The following RPTOR variants were observed in gnomAD, a reference collection of about 807,000 sequenced individuals.
The protein encoded by RPTOR is regulatory-associated protein of mTOR.
Under a neutral mutation model 169.9 loss-of-function variants are expected in RPTOR, and 21 were observed. The ratio of observed to expected loss-of-function variants is 0.12; its 90% CI spans 0.09 to 0.18. The LOEUF (loss-of-function observed/expected upper bound fraction) is 0.18, where lower values mean the gene tolerates loss of function less well. Among genes scored for constraint, RPTOR ranks in the 10% least tolerant of loss-of-function variants. RPTOR has a pLI of 1.00. For synonymous variants in RPTOR, 732 were observed against 753.2 expected (o/e 0.97, Z 0.46); for missense variants, 1,133 against 1,855.9 (o/e 0.61, Z 7.16).
In RPTOR at chr17:80,963,065, T is replaced by C. The variant is rs760595837; in HGVS notation, c.3939+8T>C. ...GCCTTCCACCCGCACTGGGTCAGTG[T>C]GGCGGTGGGTGGGGGTCGGGGGTCG... On this transcript the variant is annotated splice_region_variant and intron_variant, in intron 33 of 33. Transcript: ENST00000306801. The C allele has an allele frequency of 4.8e-5, 14 of 290,260 alleles. No individual in the cohort carries two copies. In the African/African-American group the frequency reaches 1.2e-3, roughly 24 times the overall value. The allele number at this position is 290,260 out of a possible 1,614,324, so 18.0% of individuals were successfully genotyped here. A position where few individuals can be genotyped will look rare whatever the true frequency, so the allele number is the denominator to read the frequency against.
rs1212452782 is a variant in RPTOR, at chr17:80,646,008, T to C, written c.348+2198T>C. Among the ~76,000 whole-genome samples the C allele has an allele frequency of 2.0e-5, 3 of 152,170 alleles. No individual in the cohort carries two copies. Among genetic ancestry groups the C allele is most frequent in the African/African-American group, 7.2e-5 (3 of 41,440 alleles). On this transcript the variant is annotated intron_variant, in intron 3 of 33. Transcript: ENST00000306801. This position sits in a 1 kb window ranked among gnomAD's most constrained non-coding sequence, Gnocchi z 5.0. ...TGAAGGGCTGGTGAGATGGAGAATGTGTTAAGATTACAGGATGCTTCGGAA... is the reference window on the plus strand; with the variant it reads ...TGAAGGGCTGGTGAGATGGAGAATGCGTTAAGATTACAGGATGCTTCGGAA...
intron 1 of RPTOR, among the ~76,000 whole-genome samples, chr17:80,589,272 A>G (rs1233880070): frequency 6.6e-6 from 1 of 152,070 alleles, no homozygotes; most frequent in Non-Finnish European, 1.5e-5. Flanking sequence ...TGCGGGAACT[A>G]AGGGCTGAGA....
At chr17:80,785,030 T>G (rs2066978065) in intron 6 of RPTOR, among the ~76,000 whole-genome samples, 1 of 152,234 alleles carries the variant, frequency 6.6e-6, no homozygotes, top group Non-Finnish European at 1.5e-5. Context: ...CTGAGCTATA[T>G]TTGAAAATTC....
intron 1 of RPTOR, among the ~76,000 whole-genome samples, chr17:80,603,418 C>T (rs534096805): frequency 6.6e-6 from 1 of 152,270 alleles, no homozygotes; most frequent in South Asian, 2.1e-4. Flanking sequence ...TTTGACCCTG[C>T]GCGCTTTGCA....
intron 2 of RPTOR, among the ~76,000 whole-genome samples, chr17:80,626,800 TA>T (rs2065398764): frequency 2.7e-5 from 4 of 148,940 alleles, no homozygotes; most frequent in African/African-American, 9.8e-5. Flanking sequence ...TTATTATTAT[TA>T]TTATTATTAT....
chr17:80,636,136 C>T (rs558006749), intron 2 of RPTOR, among the ~76,000 whole-genome samples: 3 of 152,186 alleles, frequency 2.0e-5, no homozygotes, highest in African/African-American at 7.2e-5. Flanking sequence ...GCCTCAGTTT[C>T]CTCATCTGTA....
At position 80,608,192 on chromosome 17, in the gene RPTOR, G is replaced by A. The variant is rs193220003; in HGVS notation, c.163-17499G>A. Among the ~76,000 whole-genome samples the A allele has an allele frequency of 2.0e-3, 309 of 152,274 alleles. 2 individuals are homozygous for A. The highest frequency in any genetic ancestry group is 7.2e-3 in the African/African-American group (299 of 41,538). ...CTCCTGCCACCTGCCCCTGCCCGACGGCGCAGCACAGTGACAGCGACTTTT... is the reference window on the plus strand; with the variant it reads ...CTCCTGCCACCTGCCCCTGCCCGACAGCGCAGCACAGTGACAGCGACTTTT... On this transcript the variant is annotated intron_variant, in intron 1 of 33. Coordinates refer to ENST00000306801, the MANE Select transcript of RPTOR (RefSeq NM_020761.3).
At chr17:80,683,234 G>A (rs2065911714) in intron 3 of RPTOR, among the ~76,000 whole-genome samples, 1 of 152,118 alleles carries the variant, frequency 6.6e-6, no homozygotes, top group South Asian at 2.1e-4. Context: ...TTCTCAGTCT[G>A]GCCATTTTTG....
intron 4 of RPTOR, among the ~76,000 whole-genome samples, chr17:80,711,686 T>C (rs1380985740): frequency 6.6e-6 from 1 of 151,238 alleles, no homozygotes; most frequent in Non-Finnish European, 1.5e-5. Flanking sequence ...TAAATGACTT[T>C]TTAAAATTTA....
At chr17:80,842,639 G>T (rs148876213) in intron 10 of RPTOR, among the ~76,000 whole-genome samples, 1 of 152,318 alleles carries the variant, frequency 6.6e-6, no homozygotes, top group East Asian at 1.9e-4. Context: ...GTATTTACCC[G>T]ATGGTTAATA....
chr17:80,867,157 A>G (rs2068002096), intron 13 of RPTOR, among the ~76,000 whole-genome samples: 1 of 152,186 alleles, frequency 6.6e-6, no homozygotes. Context: ...AAAACAAAAC[A>G]TGATCTAGTG....
At chr17:80,775,486 G>C (rs916069122) in intron 6 of RPTOR, among the ~76,000 whole-genome samples, 1 of 152,208 alleles carries the variant, frequency 6.6e-6, no homozygotes, top group African/African-American at 2.4e-5. Context: ...GGGGGTAGCT[G>C]AGAATGTTGA....
chr17:80,894,705 T>G (rs1041272659), intron 20 of RPTOR, among the ~76,000 whole-genome samples: 1 of 152,256 alleles, frequency 6.6e-6, no homozygotes, highest in African/African-American at 2.4e-5. Flanking sequence ...TGAATTTTTT[T>G]CATGTTAAGG....
At chr17:80,590,091 G>A (rs1186066970) in intron 1 of RPTOR, among the ~76,000 whole-genome samples, 1 of 152,270 alleles carries the variant, frequency 6.6e-6, no homozygotes, top group East Asian at 1.9e-4. Context: ...TTAATGAGTG[G>A]TTATTGAATT....
chr17:80,943,632 A>G (rs540952190), intron 25 of RPTOR, among the ~76,000 whole-genome samples: 12 of 151,856 alleles, frequency 7.9e-5, no homozygotes, highest in Non-Finnish European at 1.5e-4. Context: ...ATACTTGGCT[A>G]TCTCACTTCC....
rs868615928 is a variant in RPTOR at position 80,744,621 on chromosome 17, A to G, written c.655-9389A>G. ...CCTGGTTACTAGCACAGCCCTGGTTACTAGCAGAGCCCTGGCTACTAGCAC... is the reference window on the plus strand; with the variant it reads ...CCTGGTTACTAGCACAGCCCTGGTTGCTAGCAGAGCCCTGGCTACTAGCAC... On this transcript the variant is annotated intron_variant, in intron 5 of 33. Transcript: ENST00000306801. Among the ~76,000 whole-genome samples the G allele has an allele frequency of 1.1e-4, 4 of 36,086 alleles. 1 individual carries two copies. The highest frequency in any genetic ancestry group is 1.7e-4 in the Non-Finnish European group (3 of 17,172). The allele number at this position is 36,086 out of a possible 152,430, so 23.7% of individuals were successfully genotyped here.
At chr17:80,658,357 G>A (rs1207428759) in intron 3 of RPTOR, among the ~76,000 whole-genome samples, 1 of 152,116 alleles carries the variant, frequency 6.6e-6, no homozygotes, top group East Asian at 1.9e-4. Context: ...CATTTTTGAA[G>A]GATATTTTTG....
Position 80,957,949 on chromosome 17 carries a change from G to T in RPTOR, c.3477+219G>T, listed in dbSNP as rs893722189. Reference sequence around the variant, plus strand: ...CTGCAACACCCAGCCCTGCGCTGCAGTATGGCTCAGGCTGCGCCAGCTCTG... The same window carrying T: ...CTGCAACACCCAGCCCTGCGCTGCATTATGGCTCAGGCTGCGCCAGCTCTG... On this transcript the variant is annotated intron_variant, in intron 29 of 33. Transcript: ENST00000306801. The surrounding 1 kb of genome is among the most constrained non-coding windows in gnomAD (Gnocchi z 4.6). 6.6e-6 allele frequency among the ~76,000 whole-genome samples: 1 copy of T among 152,264 alleles called. No homozygotes were observed. The highest frequency in any genetic ancestry group is 1.5e-5 in the Non-Finnish European group (1 of 68,054).
At chr17:80,634,366 C>CGT (rs1567830694) in intron 2 of RPTOR, among the ~76,000 whole-genome samples, 2 of 61,286 alleles carry the variant, frequency 3.3e-5, no homozygotes, top group African/African-American at 1.7e-4. Context: ...ACTGTGTGTG[C>CGT]ATACTGTGTG....
Sources: gnomAD v4.1 joint callset for allele counts (sites outside exome capture counted in the v4.1 genomes callset) on GRCh38, gnomAD v4.1.1 for gene constraint, Gnocchi (gnomAD v3.1) non-coding constraint, MANE v1.5 for transcripts, NCBI Gene and HGNC (gene_info 2026-07-23, HGNC 2026-07-21) for gene names.